SMARCC1: variants seen among roughly 807,000 people sequenced by gnomAD.
SMARCC1 encodes SWI/SNF related BAF chromatin remodeling complex subunit C1, also known as SWI/SNF complex subunit SMARCC1.
A neutral mutation model predicts 147.4 loss-of-function variants in SMARCC1; 43 were observed. That is an observed-to-expected ratio of 0.29 (90% confidence interval 0.23 to 0.38). The LOEUF is 0.38. Ranked by LOEUF, SMARCC1 falls within the 10% of genes least tolerant of loss-of-function variation. The probability of loss-of-function intolerance (pLI) is 1.00; values close to 1 mark genes in which losing one functional copy is unlikely to be tolerated. For missense variants in SMARCC1, 1,119 were observed against 1,381.1 expected (o/e 0.81, Z 3.01); for synonymous variants, 495 against 484.4 (o/e 1.02, Z -0.29).
chr3:47,704,788 G>A (rs902912898), intron 10 of SMARCC1, among the ~76,000 whole-genome samples: 32 of 151,892 alleles, frequency 2.1e-4, no homozygotes, highest in Admixed American at 1.9e-3. Flanking sequence ...GGGGTATTGC[G>A]CACCTGTAGT....
chr3:47,608,587 T>C (rs2032514658), intron 26 of SMARCC1, among the ~76,000 whole-genome samples: 1 of 152,088 alleles, frequency 6.6e-6, no homozygotes, highest in African/African-American at 2.4e-5. Flanking sequence ...AGCTCATGCC[T>C]GTAATCCCAG....
intron 24 of SMARCC1, among the ~76,000 whole-genome samples, chr3:47,632,309 T>C (rs189290098): frequency 9.7e-4 from 145 of 149,850 alleles, no homozygotes; most frequent in Non-Finnish European, 1.7e-3. Context: ...AAAAAAAAAA[T>C]TTTTTTTTTG....
intron 3 of SMARCC1, among the ~76,000 whole-genome samples, chr3:47,744,164 CT>C (rs1219632758): frequency 6.6e-6 from 1 of 151,266 alleles, no homozygotes; most frequent in African/African-American, 2.4e-5. Flanking sequence ...TAGTCAATAT[CT>C]TTTTTTTTGG....
intron 7 of SMARCC1, 114 bp from the exon 8 acceptor site, chr3:47,714,604 T>A (rs2034133183): frequency 3.2e-6 from 2 of 622,666 alleles, no homozygotes; most frequent in East Asian, 5.8e-5. Context: ...CCCAGCCTGG[T>A]CAACATGGTG....
At chr3:47,756,787 C>A (rs1334993460) in intron 2 of SMARCC1, among the ~76,000 whole-genome samples, 1 of 152,090 alleles carries the variant, frequency 6.6e-6, no homozygotes, top group East Asian at 1.9e-4. Flanking sequence ...CCAAAAGGCC[C>A]AAAATATCTG....
chr3:47,614,141 C>A (rs923983517), intron 25 of SMARCC1, among the ~76,000 whole-genome samples: 2 of 152,196 alleles, frequency 1.3e-5, no homozygotes, highest in Non-Finnish European at 2.9e-5. Context: ...ACTGAAAAAA[C>A]CCCAAATCCA....
chr3:47,728,629 G>C (rs955819863), intron 6 of SMARCC1, among the ~76,000 whole-genome samples: 1 of 152,140 alleles, frequency 6.6e-6, no homozygotes, highest in Admixed American at 6.6e-5. Context: ...AATGTTGGCT[G>C]GGCGCAGTGG....
chr3:47,658,392 C>T (rs529269249), intron 21 of SMARCC1, among the ~76,000 whole-genome samples: 24 of 152,314 alleles, frequency 1.6e-4, no homozygotes, highest in African/African-American at 5.3e-4. Context: ...AAAACATTTT[C>T]GTTACTTCAA....
intron 2 of SMARCC1, among the ~76,000 whole-genome samples, chr3:47,749,939 G>A (rs905340661): frequency 4.6e-5 from 7 of 151,616 alleles, no homozygotes; most frequent in Admixed American, 2.0e-4. Flanking sequence ...AAACTTAGCC[G>A]GGCGTGGTGG....
chr3:47,696,859 G>A (rs188488000), intron 11 of SMARCC1, among the ~76,000 whole-genome samples: 10 of 152,236 alleles, frequency 6.6e-5, no homozygotes, highest in African/African-American at 2.2e-4. Flanking sequence ...GATTTTCAGT[G>A]AATGATTTTG....
intron 2 of SMARCC1, among the ~76,000 whole-genome samples, chr3:47,750,153 A>C: frequency 6.6e-6 from 1 of 151,838 alleles, no homozygotes; most frequent in East Asian, 1.9e-4. Flanking sequence ...AGACTAATGT[A>C]GGCTGGGCGC....
At chr3:47,608,677 C>A (rs2032516527) in intron 26 of SMARCC1, among the ~76,000 whole-genome samples, 1 of 151,742 alleles carries the variant, frequency 6.6e-6, no homozygotes, top group Non-Finnish European at 1.5e-5. Context: ...GAAACCCTAT[C>A]TTTATAAAAA....
intron 2 of SMARCC1, among the ~76,000 whole-genome samples, chr3:47,755,104 G>A (rs149324464): frequency 2.5e-3 from 380 of 152,046 alleles, no homozygotes; most frequent in South Asian, 7.3e-3. Flanking sequence ...CCAGCTACTC[G>A]CGAGGCCGAG....
At chr3:47,673,921 C>G (rs1488729564) in intron 18 of SMARCC1, among the ~76,000 whole-genome samples, 1 of 152,106 alleles carries the variant, frequency 6.6e-6, no homozygotes, top group Non-Finnish European at 1.5e-5. Context: ...TTTGTATTAA[C>G]AAAAACAGGT....
At chr3:47,741,910 G>A (rs1052765069) in intron 3 of SMARCC1, among the ~76,000 whole-genome samples, 2 of 151,508 alleles carry the variant, frequency 1.3e-5, no homozygotes, top group Non-Finnish European at 2.9e-5. Context: ...CCCTTTTGGG[G>A]TATGGCATAC....
intron 22 of SMARCC1, among the ~76,000 whole-genome samples, chr3:47,636,726 G>C (rs1056834357): frequency 9.9e-5 from 15 of 151,652 alleles, no homozygotes; most frequent in Non-Finnish European, 2.9e-5. Flanking sequence ...TTGCACTCTA[G>C]CCTAGGCAGC....
chr3:47,737,580 T>C (rs2034458737), intron 4 of SMARCC1, among the ~76,000 whole-genome samples: 1 of 151,998 alleles, frequency 6.6e-6, no homozygotes, highest in African/African-American at 2.4e-5. Flanking sequence ...TTTCAGAACA[T>C]TTTCTTCCTT....
chr3:47,771,521 G>A (rs1013069231), intron 2 of SMARCC1, among the ~76,000 whole-genome samples: 1 of 152,114 alleles, frequency 6.6e-6, no homozygotes, highest in African/African-American at 2.4e-5. Context: ...GCCGAGGTAG[G>A]GAAATCACTT....
chr3:47,644,153 C>T (rs2033088755), intron 21 of SMARCC1, among the ~76,000 whole-genome samples: 1 of 152,122 alleles, frequency 6.6e-6, no homozygotes, highest in African/African-American at 2.4e-5. Context: ...GCACTCCAGC[C>T]TGGGTGACAG....
Sources: allele counts gnomAD v4.1 joint callset (sites outside exome capture counted in the v4.1 genomes callset), GRCh38; gene constraint gnomAD v4.1.1; transcripts MANE v1.5; gene names NCBI Gene and HGNC (gene_info 2026-07-23, HGNC 2026-07-21).